The following C10orf90 variants were observed in gnomAD, a reference collection of about 807,000 sequenced individuals.
C10orf90 encodes chromosome 10 open reading frame 90.
C10orf90 carries 56 observed loss-of-function variants against 62.5 expected under a neutral mutation model. The observed-to-expected ratio is 0.90, with a 90% confidence interval of 0.72 to 1.12. The LOEUF (loss-of-function observed/expected upper bound fraction) is 1.12, where lower values mean the gene tolerates loss of function less well. Ranked by LOEUF, C10orf90 falls within the 50% of genes most tolerant of loss-of-function variation. The probability of loss-of-function intolerance (pLI) is 0.00; values close to 1 mark genes in which losing one functional copy is unlikely to be tolerated. For synonymous variants in C10orf90, 386 were observed against 340.4 expected (o/e 1.13, Z -1.47); for missense variants, 970 against 880.4 (o/e 1.10, Z -1.29).
rs185564481 is a variant in C10orf90, at chr10:126,592,873, C to A, written c.313+53692G>T. Reference sequence around the variant, plus strand: ...GAAAAACAACCCCATTAAAAGTAGGCAAAGGATGTGAACAGACACTTCTCA... The same window carrying A: ...GAAAAACAACCCCATTAAAAGTAGGAAAAGGATGTGAACAGACACTTCTCA... On this transcript the variant is annotated intron_variant, in intron 2 of 9. Transcript: ENST00000488181. 8.5e-5 allele frequency among the ~76,000 whole-genome samples: 13 copies of A among 152,140 alleles called. No individual in the cohort carries two copies. In the East Asian group the frequency reaches 2.3e-3, roughly 27 times the overall value.
chr10:126,433,372 G>A (rs941900731), intron 7 of C10orf90, among the ~76,000 whole-genome samples: 1 of 152,146 alleles, frequency 6.6e-6, no homozygotes, highest in Non-Finnish European at 1.5e-5. Flanking sequence ...AGGTCCACCA[G>A]GGAAGAAGGG....
chr10:126,566,374 T>G (rs61864683), intron 2 of C10orf90, among the ~76,000 whole-genome samples: 1 of 152,180 alleles, frequency 6.6e-6, no homozygotes, highest in East Asian at 1.9e-4. Context: ...GAAAGTGGAC[T>G]GAATCTTTAC....
At chr10:126,490,908 A>G (rs780322556) in intron 4 of C10orf90, among the ~76,000 whole-genome samples, 4 of 152,134 alleles carry the variant, frequency 2.6e-5, no homozygotes, top group Admixed American at 6.5e-5. Context: ...TTGTTCCTAT[A>G]TAATATTATT....
intron 7 of C10orf90, among the ~76,000 whole-genome samples, chr10:126,438,884 GC>G (rs1484108994): frequency 6.6e-6 from 1 of 151,916 alleles, no homozygotes; most frequent in Non-Finnish European, 1.5e-5. Flanking sequence ...TACAACTGCT[GC>G]CCCAGACCCT....
At chr10:126,557,824 G>T (rs1864810984) in intron 2 of C10orf90, among the ~76,000 whole-genome samples, 1 of 151,932 alleles carries the variant, frequency 6.6e-6, no homozygotes, top group African/African-American at 2.4e-5. Flanking sequence ...TTTCCAAATT[G>T]CCTCCATGGG....
At chr10:126,467,566 G>A (rs1860361568) in intron 4 of C10orf90, among the ~76,000 whole-genome samples, 1 of 152,086 alleles carries the variant, frequency 6.6e-6, no homozygotes, top group South Asian at 2.1e-4. Context: ...ACTTATCCCG[G>A]GCATTTCCAT....
intron 7 of C10orf90, among the ~76,000 whole-genome samples, chr10:126,433,569 T>C (rs1242975165): frequency 6.6e-6 from 1 of 152,132 alleles, no homozygotes; most frequent in Admixed American, 6.5e-5. Flanking sequence ...AGTTTCTTCC[T>C]GTACAGGGTA....
At chr10:126,496,553 G>T in intron 4 of C10orf90, 1 of 547,478 alleles carries the variant, frequency 1.8e-6, no homozygotes, top group Non-Finnish European at 2.3e-6. Context: ...TTCTTACCGA[G>T]TTCCTAAAGG....
At chr10:126,562,800 C>G (rs1391118489) in intron 2 of C10orf90, among the ~76,000 whole-genome samples, 1 of 152,222 alleles carries the variant, frequency 6.6e-6, no homozygotes, top group Non-Finnish European at 1.5e-5. Flanking sequence ...ACAGTAAAAC[C>G]ATCAGGCGAG....
At chr10:126,650,413 A>T (rs1478163398) in intron 1 of C10orf90, among the ~76,000 whole-genome samples, 1 of 152,210 alleles carries the variant, frequency 6.6e-6, no homozygotes, top group Admixed American at 6.5e-5. Context: ...GTGAGGAGCT[A>T]TCATTGAGGG....
At chr10:126,663,850 A>C (rs1201528612) in intron 1 of C10orf90, among the ~76,000 whole-genome samples, 1 of 151,846 alleles carries the variant, frequency 6.6e-6, no homozygotes, top group Admixed American at 6.6e-5. Context: ...CTGAATTCTC[A>C]GAAAGTTCTA....
At chr10:126,461,692 T>A (rs1413727608) in intron 5 of C10orf90, 107 bp from the exon 6 acceptor site, 19 of 1,145,436 alleles carry the variant, frequency 1.7e-5, no homozygotes, top group Non-Finnish European at 2.1e-5. Flanking sequence ...GAAACGCCAG[T>A]GGACTATTAA....
chr10:126,494,940 C>T (rs1158387633), intron 4 of C10orf90, among the ~76,000 whole-genome samples: 3 of 152,200 alleles, frequency 2.0e-5, no homozygotes, highest in Non-Finnish European at 1.5e-5. Context: ...AAGAATCTCC[C>T]CATTACCCAT....
At chr10:126,517,101 T>G (rs1326276619) in intron 2 of C10orf90, among the ~76,000 whole-genome samples, 1 of 152,116 alleles carries the variant, frequency 6.6e-6, no homozygotes, top group African/African-American at 2.4e-5. Context: ...ATGAACATCT[T>G]TGGGGGTGGA....
At chr10:126,532,994 G>A (rs760883012) in intron 2 of C10orf90, among the ~76,000 whole-genome samples, 1 of 150,574 alleles carries the variant, frequency 6.6e-6, no homozygotes, top group East Asian at 2.0e-4. Context: ...GTGCAGTGGC[G>A]CTATCTCGGC....
chr10:126,479,870 T>C (rs894117334), intron 4 of C10orf90, among the ~76,000 whole-genome samples: 3 of 152,240 alleles, frequency 2.0e-5, no homozygotes, highest in Non-Finnish European at 4.4e-5. Flanking sequence ...TCGATTATAA[T>C]AGCAGACTGG....
intron 6 of C10orf90, among the ~76,000 whole-genome samples, chr10:126,459,743 G>C (rs1189763599): frequency 6.6e-6 from 1 of 152,224 alleles, no homozygotes; most frequent in Non-Finnish European, 1.5e-5. Flanking sequence ...CTCCTGGGTA[G>C]AAAGAGCTGG....
intron 1 of C10orf90, among the ~76,000 whole-genome samples, chr10:126,649,565 C>T (rs979924836): frequency 9.2e-5 from 14 of 152,322 alleles, no homozygotes; most frequent in Admixed American, 9.1e-4. Flanking sequence ...ATATGACCTG[C>T]CCACATGCGT....
At chr10:126,446,063 C>T (rs867513218) in intron 7 of C10orf90, among the ~76,000 whole-genome samples, 2 of 151,822 alleles carry the variant, frequency 1.3e-5, no homozygotes, top group African/African-American at 4.8e-5. Flanking sequence ...GCATATACTG[C>T]TCGAGTGATG....
Sources: allele counts gnomAD v4.1 joint callset (sites outside exome capture counted in the v4.1 genomes callset), GRCh38; gene constraint gnomAD v4.1.1; transcripts MANE v1.5; gene names NCBI Gene and HGNC (gene_info 2026-07-23, HGNC 2026-07-21).